The following PMPCA variants were observed in gnomAD, a reference collection of about 807,000 sequenced individuals.
PMPCA encodes mitochondrial-processing peptidase subunit alpha.
In PMPCA, 47 loss-of-function variants were observed where a neutral mutation model predicts 59.3. The observed-to-expected ratio is 0.79, with a 90% CI of 0.63 to 1.01. The LOEUF is 1.01. PMPCA is among the 50% of genes least tolerant of loss of function. The pLI, the probability that PMPCA is intolerant of heterozygous loss-of-function variation, is 0.00. For missense variants in PMPCA, 726 were observed against 704.5 expected, an observed-to-expected ratio of 1.03 and a Z score of -0.34; for synonymous variants, 338 against 290.3, an observed-to-expected ratio of 1.16 and a Z score of -1.67.
chr9:136,417,366 T>G (rs1835311866), intron 7 of PMPCA, 152 bp downstream of exon 7: 2 of 599,578 alleles, frequency 3.3e-6, no homozygotes, highest in Non-Finnish European at 5.7e-6. Context: ...CAGCAGGGCA[T>G]GGACTGTGTC....
At chr9:136,414,403 T>C (rs947629009) in intron 4 of PMPCA, 150 bp from the exon 5 acceptor site, 6 of 622,758 alleles carry the variant, frequency 9.6e-6, no homozygotes, top group Non-Finnish European at 1.8e-5. Context: ...GCCCCTGGCA[T>C]GCAAAGCCCA....
chr9:136,421,801 G>A (rs1212870066), intron 11 of PMPCA, 31 bp from the exon 12 acceptor site: 2 of 1,556,020 alleles, frequency 1.3e-6, no homozygotes, highest in Admixed American at 1.8e-5. Context: ...CGGGGCGGGT[G>A]TGTGCTCACC....
rs568110462 is a variant in PMPCA, at chr9:136,422,917, A to G, written c.1409-178A>G. On this transcript the variant is annotated intron_variant, in intron 12 of 12. Transcript: ENST00000371717. ...ATTTACTGAGAACTCAACGTCTGTC[A>G]CTTGTGGACTCACCCTTGGCTACAC... is the stretch of plus-strand genomic sequence containing the variant. The G allele has an allele frequency of 1.5e-5, 21 of 1,408,084 alleles. No homozygotes were observed. The East Asian group carries it at 3.3e-4, about 22-fold the overall frequency. 87.2% of individuals were successfully genotyped at this position (1,408,084 alleles called of 1,614,324 possible).
rs753969348 is a variant in PMPCA, at chr9:136,410,680, G to A, written c.12G>A (p.Val4=). Residue 4 remains valine, a synonymous_variant, in exon 1 of 13, where the codon GTG becomes GTA. Coordinates refer to ENST00000371717, the MANE Select transcript of PMPCA (RefSeq NM_015160.3). MAA[V]VLAATRLLRG... ...GGCGGAGACGCAAGATGGCGGCTGT[G>A]GTGCTGGCGGCGACGCGGTTGCTGC... The A allele has an allele frequency of 4.9e-6, 7 of 1,414,770 alleles. No homozygotes were observed. The highest frequency in any genetic ancestry group is 2.8e-5 in the East Asian group (1 of 36,130). The allele number at this position is 1,414,770 out of a possible 1,614,324, so 87.6% of individuals were successfully genotyped here.
chr9:136,418,544 C>T lies in PMPCA; in HGVS notation c.991-11C>T, dbSNP rs10870160. On this transcript the variant is annotated splice_polypyrimidine_tract_variant and intron_variant, in intron 8 of 12. Coordinates refer to ENST00000371717, the MANE Select transcript of PMPCA (RefSeq NM_015160.3). ...GGGTGGTTCAGCCAGCTCTGCCCTC[C>T]GTCCCTGCAGGAGGAGGACTTCATC... 409,083 of 1,549,732 alleles carry T rather than the reference C, an allele frequency of 0.26. 57,002 individuals carry two copies. Among genetic ancestry groups the T allele is most frequent in the Non-Finnish European group, 0.28 (318,757 of 1,122,024 alleles).
chr9:136,419,192 C>T, intron 11 of PMPCA, 86 bp downstream of exon 11: 1 of 1,239,848 alleles, frequency 8.1e-7, no homozygotes, highest in Non-Finnish European at 1.2e-6. Context: ...ACCTGTGGGC[C>T]TGGTCCCTGA....
intron 11 of PMPCA, 113 bp downstream of exon 11, chr9:136,419,219 C>T (rs1396427973): frequency 9.7e-7 from 1 of 1,030,184 alleles, no homozygotes. Context: ...GGGCCAAGGT[C>T]CCGGCAGGGC....
chr9:136,417,879 C>G (rs985285516), intron 7 of PMPCA, 138 bp from the exon 8 acceptor site: 4 of 710,208 alleles, frequency 5.6e-6, no homozygotes, highest in Non-Finnish European at 1.0e-5. Flanking sequence ...TCCCAAAGTG[C>G]TGGGATTTTA....
rs148692854 is a variant in PMPCA, at chr9:136,417,004, C to T, written c.687C>T (p.Asn229=). The change falls in exon 7 of 13, where the codon AAC becomes AAT. Residue 229 remains asparagine (N), a synonymous_variant. Transcript: ENST00000371717. ...VGLHRFCPTE[N]VAKINREVLH... ...TCCACCGTTTCTGCCCCACAGAAAA[C>T]GTAGCAAAGATCAACCGAGAGGTGC... The T allele has an allele frequency of 3.4e-5, 55 of 1,612,966 alleles. No homozygotes were observed. The East Asian group carries it at 9.8e-4, about 29-fold the overall frequency.
chr9:136,419,085 A>AT lies in PMPCA; in HGVS notation c.1242_1243insT (p.Met415TyrfsTer69). On this transcript the variant is annotated frameshift_variant, in exon 11 of 13. Coordinates refer to ENST00000371717, the MANE Select transcript of PMPCA (RefSeq NM_015160.3). LOFTEE classifies it high-confidence loss of function. ...AAATCATCACAAAGGAGTTTATTTTAATGGGCGGAACCGTGGACACGGTAA... is the reference window on the plus strand; with the variant it reads ...AAATCATCACAAAGGAGTTTATTTTATATGGGCGGAACCGTGGACACGGTAA... 2 of 1,613,934 alleles carry AT rather than the reference A, an allele frequency of 1.2e-6. No homozygotes were observed. The highest frequency in any genetic ancestry group is 1.7e-6 in the Non-Finnish European group (2 of 1,179,786).
In PMPCA at chr9:136,422,350, G is replaced by A. The variant is rs76933688; in HGVS notation, c.1408+374G>A. The A allele has an allele frequency of 1.4e-3, 1,551 of 1,146,078 alleles. 25 individuals are homozygous for A. In the African/African-American group the frequency reaches 0.022, roughly 16 times the overall value. 71.0% of individuals were successfully genotyped at this position (1,146,078 alleles called of 1,614,324 possible). On this transcript the variant is annotated intron_variant, in intron 12 of 12. Coordinates refer to ENST00000371717, the MANE Select transcript of PMPCA (RefSeq NM_015160.3). ...CAGTGGCTCGGAATGCCGCTGTACC[G>A]TTGCTGGCTCTCGGGCAGGAGTCTC...
intron 1 of PMPCA, 66 bp from the exon 2 acceptor site, chr9:136,411,931 C>T (rs1835132203): frequency 2.2e-6 from 2 of 898,140 alleles, no homozygotes; most frequent in African/African-American, 3.3e-5. Context: ...ACTAACCGCA[C>T]CTAACAGGTC....
chr9:136,417,979 T>G (rs1470395704), intron 7 of PMPCA, 38 bp from the exon 8 acceptor site: 1 of 1,477,314 alleles, frequency 6.8e-7, no homozygotes, highest in Admixed American at 1.7e-5. Flanking sequence ...CCTCATTGTT[T>G]TTCACATGGC....
intron 1 of PMPCA, 99 bp from the exon 2 acceptor site, chr9:136,411,898 A>G (rs914032217): frequency 2.7e-6 from 2 of 732,834 alleles, no homozygotes; most frequent in Non-Finnish European, 2.5e-6. Flanking sequence ...GCAGATGCTC[A>G]CTTTTAACCC....
At chr9:136,416,811 T>C (rs1835289368) in intron 6 of PMPCA, 140 bp from the exon 7 acceptor site, 1 of 682,034 alleles carries the variant, frequency 1.5e-6, no homozygotes, top group Non-Finnish European at 2.5e-6. Flanking sequence ...ACGCAGCTGC[T>C]ATTGCCAGAG....
chr9:136,422,916 C>T, intron 12 of PMPCA, 179 bp from the exon 13 acceptor site: 1 of 1,408,268 alleles, frequency 7.1e-7, no homozygotes, highest in Non-Finnish European at 9.2e-7. Flanking sequence ...CAACGTCTGT[C>T]ACTTGTGGAC....
chr9:136,413,206 A>T (rs1835184474), intron 4 of PMPCA, among the ~76,000 whole-genome samples: 2 of 152,254 alleles, frequency 1.3e-5, no homozygotes, highest in South Asian at 4.1e-4. Context: ...GGTAGGAGCC[A>T]GGAGGATGAG....
intron 3 of PMPCA, 50 bp from the exon 4 acceptor site, chr9:136,412,760 C>T: frequency 8.9e-7 from 1 of 1,129,912 alleles, no homozygotes; most frequent in Non-Finnish European, 1.3e-6. Context: ...AATTGTGTTT[C>T]AGGGATAGCC....
chr9:136,411,035 C>G, intron 1 of PMPCA: 1 of 345,298 alleles, frequency 2.9e-6, no homozygotes, highest in Non-Finnish European at 5.2e-6. Flanking sequence ...CTTCACCTAC[C>G]GCGTGCTCCT....
Sources: allele counts gnomAD v4.1 joint callset (sites outside exome capture counted in the v4.1 genomes callset), GRCh38; gene constraint gnomAD v4.1.1; transcripts MANE v1.5; gene names NCBI Gene and HGNC (gene_info 2026-07-23, HGNC 2026-07-21).